GAB2: variants seen among roughly 807,000 people sequenced by gnomAD.
GAB2 encodes the protein GRB2 associated binding protein 2.
In GAB2, 26 loss-of-function variants were observed where a neutral mutation model predicts 65.5. The observed-to-expected ratio is 0.40, with a 90% CI of 0.29 to 0.55. The LOEUF (loss-of-function observed/expected upper bound fraction) is 0.55. Ranked by LOEUF, GAB2 falls within the 20% of genes least tolerant of loss-of-function variation. The pLI, the probability that GAB2 is intolerant of heterozygous loss-of-function variation, is 0.53. For synonymous variants in GAB2, 321 were observed against 329.6 expected (o/e 0.97, Z 0.28); for missense variants, 884 against 875.8 (o/e 1.01, Z -0.12).
chr11:78,229,607 C>T (rs941154152), intron 3 of GAB2, among the ~76,000 whole-genome samples: 13 of 152,212 alleles, frequency 8.5e-5, no homozygotes, highest in Admixed American at 5.9e-4. Flanking sequence ...CTCTCTGATC[C>T]TTCCATCCTA....
chr11:78,348,587 C>T (rs1276850965), intron 1 of GAB2, among the ~76,000 whole-genome samples: 1 of 152,176 alleles, frequency 6.6e-6, no homozygotes, highest in Non-Finnish European at 1.5e-5. Flanking sequence ...GCTGATCACA[C>T]TAAGTGCTTC....
In GAB2 at chr11:78,417,802, A is replaced by C. The variant is rs891553386; in HGVS notation, c.-82T>G. On this transcript the variant is annotated 5_prime_UTR_variant, in exon 1 of 10. Transcript: ENST00000361507. ...GCTGGGGCAGCGGCCGGCGGTGCGC[A>C]GCTCGCGGGAGGCCAGGGGCGGGGC... The C allele has an allele frequency of 1.4e-6, 1 of 691,558 alleles. No individual in the cohort carries two copies. Among genetic ancestry groups the C allele is most frequent in the Non-Finnish European group, 1.8e-6 (1 of 557,344 alleles). 42.8% of individuals were successfully genotyped at this position (691,558 alleles called of 1,614,324 possible).
intron 1 of GAB2, among the ~76,000 whole-genome samples, chr11:78,342,700 G>T (rs1856119352): frequency 6.6e-6 from 1 of 152,148 alleles, no homozygotes; most frequent in African/African-American, 2.4e-5. Context: ...GAACCACCGC[G>T]CCTGGCCTGC....
intron 1 of GAB2, among the ~76,000 whole-genome samples, chr11:78,323,790 CTTTTTTTTTTTTT>C (rs749282969): frequency 1.3e-5 from 1 of 77,264 alleles, no homozygotes; most frequent in Non-Finnish European, 2.4e-5. Flanking sequence ...CTGAATCTTT[CTTTTTTTTTTTTT>C]TTTTTTTTTT....
At chr11:78,240,440 C>A (rs965184484) in intron 3 of GAB2, among the ~76,000 whole-genome samples, 2 of 152,094 alleles carry the variant, frequency 1.3e-5, no homozygotes, top group African/African-American at 4.8e-5. Context: ...CCCTACAGGC[C>A]AAACAACTCT....
At chr11:78,382,650 A>T (rs1856713272) in intron 1 of GAB2, among the ~76,000 whole-genome samples, 1 of 152,296 alleles carries the variant, frequency 6.6e-6, no homozygotes, top group Middle Eastern at 3.4e-3. Context: ...CCACGCATGG[A>T]AAGCAATGCA....
chr11:78,275,646 A>C (rs1866146510), intron 2 of GAB2, among the ~76,000 whole-genome samples: 1 of 152,246 alleles, frequency 6.6e-6, no homozygotes, highest in African/African-American at 2.4e-5. Flanking sequence ...TCTATCACAG[A>C]TGATATTCTT....
intron 1 of GAB2, among the ~76,000 whole-genome samples, chr11:78,294,019 A>C (rs1057179009): frequency 2.6e-5 from 4 of 152,064 alleles, no homozygotes; most frequent in African/African-American, 9.7e-5. Flanking sequence ...TGCACCCAGT[A>C]ACTCCTCATT....
intron 1 of GAB2, among the ~76,000 whole-genome samples, chr11:78,324,519 G>A (rs1258203040): frequency 2.0e-5 from 3 of 152,178 alleles, no homozygotes; most frequent in Non-Finnish European, 2.9e-5. Context: ...AATGGAAAAA[G>A]AAAGGTGCTA....
chr11:78,349,939 GAAA>G (rs1306936727), intron 1 of GAB2, among the ~76,000 whole-genome samples: 1 of 146,418 alleles, frequency 6.8e-6, no homozygotes, highest in Non-Finnish European at 1.5e-5. Context: ...AAGAAAAAAA[GAAA>G]AAAAAAAGAA....
chr11:78,355,939 G>A (rs910770406), intron 1 of GAB2, among the ~76,000 whole-genome samples: 4 of 151,924 alleles, frequency 2.6e-5, no homozygotes, highest in African/African-American at 4.8e-5. Flanking sequence ...TTGGAAGGCC[G>A]AGGCAGGTGG....
At chr11:78,407,770 G>C (rs185322616) in intron 1 of GAB2, among the ~76,000 whole-genome samples, 1 of 149,666 alleles carries the variant, frequency 6.7e-6, no homozygotes, top group Non-Finnish European at 1.5e-5. Context: ...GAAAGAAAGA[G>C]AGAGAAAGAA....
chr11:78,268,241 G>A (rs751638451), intron 2 of GAB2, among the ~76,000 whole-genome samples: 27 of 152,178 alleles, frequency 1.8e-4, no homozygotes, highest in Non-Finnish European at 3.5e-4. Context: ...ATCACTCCTA[G>A]TTTACTGTTG....
intron 1 of GAB2, among the ~76,000 whole-genome samples, chr11:78,352,169 C>A (rs1009662177): frequency 6.6e-6 from 1 of 152,128 alleles, no homozygotes; most frequent in African/African-American, 2.4e-5. Context: ...GCCGAGATGG[C>A]GCCATTGCAC....
At chr11:78,240,077 G>A (rs1360369851) in intron 3 of GAB2, among the ~76,000 whole-genome samples, 1 of 151,986 alleles carries the variant, frequency 6.6e-6, no homozygotes, top group Non-Finnish European at 1.5e-5. Context: ...CCTTGGGCCA[G>A]AGCTGAAGCA....
chr11:78,390,827 T>C (rs537762316), intron 1 of GAB2, among the ~76,000 whole-genome samples: 3 of 152,292 alleles, frequency 2.0e-5, no homozygotes, highest in South Asian at 4.1e-4. Context: ...CACAGATACA[T>C]AGTAAGCATT....
At chr11:78,381,532 C>T (rs1174588102) in intron 1 of GAB2, among the ~76,000 whole-genome samples, 2 of 152,192 alleles carry the variant, frequency 1.3e-5, no homozygotes, top group African/African-American at 4.8e-5. Context: ...GCTCTTCCTC[C>T]TCCCACCTGC....
intron 1 of GAB2, among the ~76,000 whole-genome samples, chr11:78,396,673 C>T (rs1400375960): frequency 6.6e-6 from 1 of 152,162 alleles, no homozygotes; most frequent in African/African-American, 2.4e-5. Context: ...TCTCAGGTCA[C>T]CGCAACCTCC....
chr11:78,219,071 G>A lies in GAB2; in HGVS notation c.*201C>T, dbSNP rs1044093266. 3.6e-5 allele frequency: 20 copies of A among 554,444 alleles called. No homozygotes were observed. Among genetic ancestry groups the A allele is most frequent in the Admixed American group, 9.5e-5 (3 of 31,506 alleles). 34.3% of individuals were successfully genotyped at this position (554,444 alleles called of 1,614,324 possible). On this transcript the variant is annotated 3_prime_UTR_variant, in exon 10 of 10. Transcript: ENST00000361507. Reference sequence around the variant, plus strand: ...CTGATAAAAATCACAGCTGGGCCCCGAGTGGGCAGAGGAGGTGCCTTGATC... The same window carrying A: ...CTGATAAAAATCACAGCTGGGCCCCAAGTGGGCAGAGGAGGTGCCTTGATC...
Sources: allele counts gnomAD v4.1 joint callset (sites outside exome capture counted in the v4.1 genomes callset), GRCh38; gene constraint gnomAD v4.1.1; transcripts MANE v1.5; gene names NCBI Gene and HGNC (gene_info 2026-07-23, HGNC 2026-07-21).